The following CLRN1 variants were observed in gnomAD, a reference collection of about 807,000 sequenced individuals.
CLRN1 encodes the protein clarin 1.
A neutral mutation model predicts 18.7 loss-of-function variants in CLRN1; 15 were observed. That is an observed-to-expected ratio of 0.80 (90% CI 0.54 to 1.23). CLRN1 has a LOEUF of 1.23. CLRN1 is among the 50% of genes most tolerant of loss of function. CLRN1 has a pLI of 0.00. For synonymous variants in CLRN1, 104 were observed against 102.9 expected (o/e 1.01, Z -0.07); for missense variants, 311 against 277.5 (o/e 1.12, Z -0.86).
downstream of CLRN1, chr3:150,926,483 A>G (rs1712797981): frequency 5.1e-6 from 2 of 392,870 alleles, no homozygotes; most frequent in Non-Finnish European, 9.7e-6. Context: ...GTTACCAAAA[A>G]AAAAAAATCC....
At chr3:150,950,448 A>G (rs918125931) in intron 1 of CLRN1, among the ~76,000 whole-genome samples, 1 of 152,226 alleles carries the variant, frequency 6.6e-6, no homozygotes, top group African/African-American at 2.4e-5. Context: ...TCTATGAGGA[A>G]CTTAAATTTA....
chr3:150,970,988 G>A (rs150610967), intron 1 of CLRN1, among the ~76,000 whole-genome samples: 73 of 152,324 alleles, frequency 4.8e-4, no homozygotes, highest in African/African-American at 1.7e-3. Flanking sequence ...CCTATGGCAT[G>A]AGTAAAGTTT....
chr3:150,968,408 T>C (rs1294712618), intron 1 of CLRN1, among the ~76,000 whole-genome samples: 3 of 152,202 alleles, frequency 2.0e-5, no homozygotes, highest in African/African-American at 7.2e-5. Flanking sequence ...TGAATGAAAT[T>C]GTATGCTAGG....
At chr3:150,944,625 C>T (rs534597702) in intron 1 of CLRN1, among the ~76,000 whole-genome samples, 6 of 151,490 alleles carry the variant, frequency 4.0e-5, no homozygotes, top group Non-Finnish European at 5.9e-5. Context: ...TTTGGGAGGC[C>T]GAGGCGAGTG....
chr3:150,940,477 G>C (rs16846663), intron 2 of CLRN1: 4 of 1,534,672 alleles, frequency 2.6e-6, no homozygotes, highest in Non-Finnish European at 3.5e-6. Context: ...GAGCAAGAAA[G>C]TACCTTGAGC....
chr3:150,957,238 T>TACACACAC lies in CLRN1; in HGVS notation c.253+15210_253+15217dup, dbSNP rs34726423. On this transcript the variant is annotated intron_variant, in intron 1 of 2. Transcript: ENST00000327047. ...TTATACTCAAGGTCTTCCCATTTTA[T>TACACACAC]ACACACACACACACACACACACACA... Among the ~76,000 whole-genome samples, 36 of 147,068 alleles carry TACACACAC rather than the reference T, an allele frequency of 2.4e-4. 1 individual carries two copies. The South Asian group carries it at 5.4e-3, about 22-fold the overall frequency.
chr3:150,957,237 A>G (rs1559989660), intron 1 of CLRN1, among the ~76,000 whole-genome samples: 1 of 123,240 alleles, frequency 8.1e-6, no homozygotes, highest in Non-Finnish European at 1.6e-5. Context: ...TTCCCATTTT[A>G]TACACACACA....
At chr3:150,959,118 C>T (rs370209521) in intron 1 of CLRN1, among the ~76,000 whole-genome samples, 6 of 152,172 alleles carry the variant, frequency 3.9e-5, no homozygotes, top group African/African-American at 1.4e-4. Flanking sequence ...GCATAGCTCT[C>T]CCAAGTGGCT....
intron 1 of CLRN1, among the ~76,000 whole-genome samples, chr3:150,948,295 T>A (rs1207426530): frequency 6.7e-6 from 1 of 148,886 alleles, no homozygotes; most frequent in Non-Finnish European, 1.5e-5. Flanking sequence ...CCATCCTGGC[T>A]AACACGGTGA....
chr3:150,927,930 T>G lies in CLRN1; in HGVS notation c.*6A>C. ...TCCCTTGTAAAATTATAGAAAGGTT[T>G]GCCTTTCAGTACATTAGATCTGCAG... On this transcript the variant is annotated 3_prime_UTR_variant, in exon 3 of 3. Transcript: ENST00000327047. 1 of 1,614,084 alleles carries G rather than the reference T, an allele frequency of 6.2e-7. No individual in the cohort carries two copies. Among genetic ancestry groups the G allele is most frequent in the Non-Finnish European group, 8.5e-7 (1 of 1,179,994 alleles).
chr3:150,972,904 C>T (rs1338786200), upstream of CLRN1: 1 of 716,202 alleles, frequency 1.4e-6, no homozygotes, highest in Admixed American at 2.1e-5. Flanking sequence ...TCATACTTGG[C>T]TTTTCTCCTT....
At chr3:150,948,483 CAAAAAAAAA>C (rs55846714) in intron 1 of CLRN1, among the ~76,000 whole-genome samples, 25 of 54,390 alleles carry the variant, frequency 4.6e-4, no homozygotes, top group East Asian at 2.3e-3. Context: ...GACTCCGTCT[CAAAAAAAAA>C]AAAAAAAAAA....
chr3:150,928,903 T>G (rs952170835), intron 2 of CLRN1, among the ~76,000 whole-genome samples: 14 of 152,178 alleles, frequency 9.2e-5, no homozygotes, highest in African/African-American at 3.1e-4. Context: ...ATACAGGTAT[T>G]AGGGGCCTGT....
chr3:150,937,269 G>A (rs760943233), intron 2 of CLRN1, among the ~76,000 whole-genome samples: 6 of 152,088 alleles, frequency 3.9e-5, no homozygotes, highest in Admixed American at 6.6e-5. Flanking sequence ...AACAAGCTCC[G>A]TGAAGACAGC....
chr3:150,941,810 T>C (rs1713864515), intron 1 of CLRN1, 49 bp from the exon 2 acceptor site: 1 of 1,489,548 alleles, frequency 6.7e-7, no homozygotes, highest in Non-Finnish European at 9.3e-7. Context: ...TTAGCAGTAG[T>C]CTGCAAGTAT....
chr3:150,940,518 A>C, intron 2 of CLRN1: 1 of 1,534,762 alleles, frequency 6.5e-7, no homozygotes, highest in East Asian at 2.4e-5. Flanking sequence ...GCCAAAGGGC[A>C]ACTTCAGGAG....
In CLRN1 at chr3:150,949,381, T is replaced by G. The variant is rs369252561; in HGVS notation, c.254-7620A>C. 7.2e-5 allele frequency among the ~76,000 whole-genome samples: 11 copies of G among 152,044 alleles called. 1 individual carries two copies. Among genetic ancestry groups the G allele is most frequent in the Admixed American group, 3.3e-4 (5 of 15,286 alleles). ...AGGGAAATCAGGCAAGAGAAAGAAA[T>G]AAAGGGCATCCAAGTAGGAAGAGAG... On this transcript the variant is annotated intron_variant, in intron 1 of 2. Coordinates refer to ENST00000327047, the MANE Select transcript of CLRN1 (RefSeq NM_174878.3).
chr3:150,935,206 C>T (rs1347537915), intron 2 of CLRN1, among the ~76,000 whole-genome samples: 2 of 151,734 alleles, frequency 1.3e-5, no homozygotes, highest in Non-Finnish European at 2.9e-5. Flanking sequence ...AGGTTAGGTA[C>T]ATATGTATAC....
intron 1 of CLRN1, among the ~76,000 whole-genome samples, chr3:150,956,064 A>G (rs1714724253): frequency 6.6e-6 from 1 of 152,206 alleles, no homozygotes; most frequent in African/African-American, 2.4e-5. Context: ...TATCATTTAG[A>G]TAACTGCATA....
Sources: allele counts gnomAD v4.1 joint callset (sites outside exome capture counted in the v4.1 genomes callset), GRCh38; gene constraint gnomAD v4.1.1; transcripts MANE v1.5; gene names NCBI Gene and HGNC (gene_info 2026-07-23, HGNC 2026-07-21).